Variants in SULT1C2 observed in about 807,000 individuals in gnomAD.
SULT1C2 encodes sulfotransferase 1C2.
SULT1C2 carries 27 observed loss-of-function variants against 36.0 expected under a neutral mutation model. The ratio of observed to expected loss-of-function variants is 0.75; its 90% CI spans 0.55 to 1.03. SULT1C2 has a LOEUF of 1.03. SULT1C2 is among the 50% of genes least tolerant of loss of function. The pLI is 0.00. For synonymous variants in SULT1C2, 121 were observed against 116.0 expected, an observed-to-expected ratio of 1.04 and a Z score of -0.27; for missense variants, 395 against 359.2, an observed-to-expected ratio of 1.10 and a Z score of -0.80.
At chr2:108,294,479 C>CTCTCCCTCCCTCTCTCCTTCCTCTTGTA in intron 3 of SULT1C2, 125 bp downstream of exon 3, 1 of 912,790 alleles carries the variant, frequency 1.1e-6, no homozygotes, top group Non-Finnish European at 1.6e-6. Context: ...TTCCTCTTCT[C>CTCTCCCTCCCTCTCTCCTTCCTCTTGTA]TTTCTCTCTC....
intron 1 of SULT1C2, 87 bp downstream of exon 1, chr2:108,289,157 G>A (rs1312282158): frequency 1.3e-5 from 2 of 152,544 alleles, no homozygotes; most frequent in Non-Finnish European, 2.9e-5. Context: ...CTTTACAGAT[G>A]CATTTATTCA....
intron 4 of SULT1C2, 119 bp from the exon 5 acceptor site, chr2:108,304,455 C>T: frequency 8.7e-7 from 1 of 1,146,828 alleles, no homozygotes. Context: ...GTCGCAGGGC[C>T]AGCACTGCAG....
At chr2:108,307,303 A>G (rs10185965) in intron 7 of SULT1C2, among the ~76,000 whole-genome samples, 3,959 of 152,308 alleles carry the variant, frequency 0.026, 182 homozygotes, top group African/African-American at 0.091. Context: ...AGACACAAAG[A>G]TATGTAACCA....
chr2:108,291,808 G>C (rs1416345906), intron 1 of SULT1C2, among the ~76,000 whole-genome samples: 1 of 152,052 alleles, frequency 6.6e-6, no homozygotes, highest in Non-Finnish European at 1.5e-5. Flanking sequence ...AACATAGAAG[G>C]CCTGCAAGAA....
intron 4 of SULT1C2, chr2:108,302,697 G>T (rs1216143929): frequency 6.6e-6 from 1 of 152,104 alleles, no homozygotes; most frequent in Non-Finnish European, 1.5e-5. Flanking sequence ...ATAAGAGAAG[G>T]TTCAAGTTGT....
intron 1 of SULT1C2, among the ~76,000 whole-genome samples, chr2:108,292,008 A>T (rs1468986281): frequency 6.6e-6 from 1 of 152,248 alleles, no homozygotes; most frequent in African/African-American, 2.4e-5. Flanking sequence ...ATCTGGAAGC[A>T]GAAGCCACCA....
At chr2:108,296,297 T>C (rs1573246676) in intron 3 of SULT1C2, among the ~76,000 whole-genome samples, 1 of 152,138 alleles carries the variant, frequency 6.6e-6, no homozygotes, top group African/African-American at 2.4e-5. Flanking sequence ...AGGATGGTAA[T>C]CAAACGGCCA....
At chr2:108,289,606 C>T (rs1281637339) in intron 1 of SULT1C2, among the ~76,000 whole-genome samples, 4 of 152,180 alleles carry the variant, frequency 2.6e-5, no homozygotes, top group Non-Finnish European at 5.9e-5. Context: ...GTCAGGGATG[C>T]CTCCACAAAG....
intron 1 of SULT1C2, among the ~76,000 whole-genome samples, chr2:108,289,481 C>T (rs560342925): frequency 6.6e-6 from 1 of 152,274 alleles, no homozygotes; most frequent in South Asian, 2.1e-4. Context: ...ATCCTGTGCT[C>T]CAAGGGTCCA....
At chr2:108,305,906 G>T (rs373397623) in intron 7 of SULT1C2, among the ~76,000 whole-genome samples, 2 of 152,186 alleles carry the variant, frequency 1.3e-5, no homozygotes, top group African/African-American at 4.8e-5. Context: ...AGCCACCACT[G>T]GTCCAGACCT....
At chr2:108,295,223 A>T (rs1676695021) in intron 3 of SULT1C2, among the ~76,000 whole-genome samples, 1 of 152,198 alleles carries the variant, frequency 6.6e-6, no homozygotes, top group African/African-American at 2.4e-5. Context: ...GCCTTAAAGG[A>T]TTTTGCTTTC....
At position 108,292,791 on chromosome 2, in the gene SULT1C2, T is replaced by C. The variant is rs187536020; in HGVS notation, c.-21-856T>C. ...ACTTCTGAGTATATACCAAAAAAAATTGAAAGCAATAATTCAAAGAGATAT... is the reference window on the plus strand; with the variant it reads ...ACTTCTGAGTATATACCAAAAAAAACTGAAAGCAATAATTCAAAGAGATAT... On this transcript the variant is annotated intron_variant, in intron 1 of 7. Transcript: ENST00000251481. Among the ~76,000 whole-genome samples the C allele has an allele frequency of 5.9e-5, 9 of 152,206 alleles. No individual in the cohort carries two copies. In the East Asian group the frequency reaches 9.7e-4, roughly 16 times the overall value.
At position 108,304,622 on chromosome 2, in the gene SULT1C2, C is replaced by A. The variant is rs765681929; in HGVS notation, c.424C>A (p.His142Asn). 2.1e-5 allele frequency: 34 copies of A among 1,613,640 alleles called. No homozygotes were observed. In the African/African-American group the frequency reaches 3.3e-4, roughly 16 times the overall value. Reference sequence around the variant, plus strand: ...CAAAGACTGTATGGTTTCCTACTACCATTTCCAAAGGATGAACCACATGCT... The same window carrying A: ...CAAAGACTGTATGGTTTCCTACTACAATTTCCAAAGGATGAACCACATGCT... ...NAKDCMVSYY[H>N]FQRMNHMLPD... is the part of the protein sequence containing the mutation. The change falls in exon 5 of 8, where the codon CAT (histidine) becomes AAT (asparagine). Residue 142 changes from histidine (H) to asparagine (N), a missense_variant. Coordinates refer to ENST00000251481, the MANE Select transcript of SULT1C2 (RefSeq NM_001056.4).
In SULT1C2 at chr2:108,305,239, C is replaced by T. The variant is rs139870994; in HGVS notation, c.570C>T (p.Leu190=). 178 of 1,614,208 alleles carry T rather than the reference C, an allele frequency of 1.1e-4. 1 individual carries two copies. Among genetic ancestry groups the T allele is most frequent in the Non-Finnish European group, 1.4e-4 (170 of 1,180,032 alleles). Residue 190 remains leucine (L), a synonymous_variant, in exon 6 of 8, where the codon CTC becomes CTT. Coordinates refer to ENST00000251481, the MANE Select transcript of SULT1C2 (RefSeq NM_001056.4). ...WWEMKDRHQI[L]FLFYEDIKRD... is the part of the protein sequence containing the mutation. Reference sequence around the variant, plus strand: ...AGATGAAAGACAGACACCAGATTCTCTTCCTCTTCTATGAGGACATAAAGA... The same window carrying T: ...AGATGAAAGACAGACACCAGATTCTTTTCCTCTTCTATGAGGACATAAAGA...
In SULT1C2 at chr2:108,297,782, C is replaced by T. The variant is rs137997750; in HGVS notation, c.278-3056C>T. Among the ~76,000 whole-genome samples, 1,159 of 152,154 alleles carry T rather than the reference C, an allele frequency of 7.6e-3. 14 individuals carry two copies. The highest frequency in any genetic ancestry group is 8.4e-3 in the Non-Finnish European group (569 of 68,010). Reference sequence around the variant, plus strand: ...TGGTCAACTGCTTTATGTCAAGCCCCGACTCCACAGTATCTCTCTCCTGTA... The same window carrying T: ...TGGTCAACTGCTTTATGTCAAGCCCTGACTCCACAGTATCTCTCTCCTGTA... On this transcript the variant is annotated intron_variant, in intron 3 of 7. Transcript: ENST00000251481.
At chr2:108,303,551 G>A (rs1459096528) in intron 4 of SULT1C2, 1 of 152,236 alleles carries the variant, frequency 6.6e-6, no homozygotes, top group Non-Finnish European at 1.5e-5. Context: ...GTGTGTAAAA[G>A]CCCAACAGTG....
intron 3 of SULT1C2, 128 bp from the exon 4 acceptor site, chr2:108,300,710 C>T: frequency 1.4e-6 from 2 of 1,409,694 alleles, no homozygotes; most frequent in Non-Finnish European, 1.9e-6. Flanking sequence ...TTGTAAAATC[C>T]CAAAAGAAAG....
intron 3 of SULT1C2, among the ~76,000 whole-genome samples, chr2:108,296,192 A>T (rs2104415232): frequency 6.6e-6 from 1 of 152,348 alleles, no homozygotes; most frequent in East Asian, 1.9e-4. Flanking sequence ...AGGCCTAAGC[A>T]AGATTTCTAA....
At chr2:108,296,449 C>T (rs72941154) in intron 3 of SULT1C2, among the ~76,000 whole-genome samples, 2,057 of 107,612 alleles carry the variant, frequency 0.019, 50 homozygotes, top group African/African-American at 0.08. Context: ...GTGCAGTGGT[C>T]GTTTGTTTGG....
Sources: allele counts gnomAD v4.1 joint callset (sites outside exome capture counted in the v4.1 genomes callset), GRCh38; gene constraint gnomAD v4.1.1; transcripts MANE v1.5; gene names NCBI Gene and HGNC (gene_info 2026-07-23, HGNC 2026-07-21).